Variants in KCNH5 observed in about 807,000 individuals in gnomAD.
KCNH5 encodes the protein potassium voltage-gated channel subfamily H member 5.
Under a neutral mutation model 96.1 loss-of-function variants are expected in KCNH5, and 46 were observed. That is an observed-to-expected ratio of 0.48 (90% CI 0.38 to 0.61). KCNH5 has a LOEUF of 0.61. Ranked by LOEUF, KCNH5 falls within the 20% of genes least tolerant of loss-of-function variation. The pLI is 0.00. For missense variants in KCNH5, 907 were observed against 1,225.8 expected (o/e 0.74, Z 3.88); for synonymous variants, 439 against 449.8 (o/e 0.98, Z 0.30).
At chr14:63,001,725 G>A (rs769885442) in intron 3 of KCNH5, among the ~76,000 whole-genome samples, 21 of 152,288 alleles carry the variant, frequency 1.4e-4, no homozygotes, top group Admixed American at 2.6e-4. Flanking sequence ...CACAATGCAG[G>A]AACACAAAGG....
chr14:62,934,115 G>C (rs1343494878), intron 7 of KCNH5, among the ~76,000 whole-genome samples: 1 of 148,786 alleles, frequency 6.7e-6, no homozygotes, highest in Admixed American at 6.7e-5. Flanking sequence ...TTCAAATGCA[G>C]ATTTCTTTCT....
intron 10 of KCNH5, among the ~76,000 whole-genome samples, chr14:62,766,619 TAA>T (rs1290356859): frequency 6.6e-6 from 1 of 152,020 alleles, no homozygotes; most frequent in African/African-American, 2.4e-5. Context: ...TTGTGGGGTC[TAA>T]AAAAATCAAA....
chr14:62,775,640 C>T (rs935275232), intron 10 of KCNH5, among the ~76,000 whole-genome samples: 10 of 152,136 alleles, frequency 6.6e-5, no homozygotes, highest in Non-Finnish European at 1.3e-4. Flanking sequence ...ATATTTATGG[C>T]ATTTTCCATC....
intron 10 of KCNH5, among the ~76,000 whole-genome samples, chr14:62,715,551 A>G (rs1254035174): frequency 2.6e-5 from 4 of 152,236 alleles, no homozygotes; most frequent in African/African-American, 7.2e-5. Flanking sequence ...CTCTCAGTGA[A>G]GGCCACAGTG....
chr14:62,802,536 G>A lies in KCNH5; in HGVS notation c.1615C>T (p.His539Tyr). The change falls in exon 9 of 11, where the codon CAT becomes TAT. Residue 539 changes from histidine to tyrosine, a missense_variant. Around this residue, in one of 6 missense-constraint regions of KCNH5, gnomAD observed 95 missense variants for 111.8 expected, o/e 0.85. Transcript: ENST00000322893. ...PKDMRADICVHLNRKVFNEHP... is the reference protein window; with the variant it reads ...PKDMRADICVYLNRKVFNEHP... ...TCATTAAAAACCTTCCGGTTTAGAT[G>A]AACACAGATATCAGCTCTCATGTCC... 1 of 1,614,120 alleles carries A rather than the reference G, an allele frequency of 6.2e-7. No homozygotes were observed. Among genetic ancestry groups the A allele is most frequent in the Non-Finnish European group, 8.5e-7 (1 of 1,180,000 alleles).
chr14:62,739,124 A>G (rs7157416), intron 10 of KCNH5, among the ~76,000 whole-genome samples: 9,270 of 152,220 alleles, frequency 0.061, 784 homozygotes, highest in African/African-American at 0.18. Flanking sequence ...ATCATCCCAA[A>G]TATGTGAACA....
At chr14:62,750,817 G>A (rs1486921698) in intron 10 of KCNH5, among the ~76,000 whole-genome samples, 2 of 152,108 alleles carry the variant, frequency 1.3e-5, no homozygotes, top group Non-Finnish European at 2.9e-5. Context: ...TGCCTTTTGA[G>A]CTGAGGTAGA....
intron 9 of KCNH5, among the ~76,000 whole-genome samples, chr14:62,781,407 CG>C (rs1353679840): frequency 6.6e-6 from 1 of 152,178 alleles, no homozygotes; most frequent in South Asian, 2.1e-4. Flanking sequence ...CAGGAGACAG[CG>C]TTTTGAGATC....
At chr14:62,943,015 T>G (rs1384233553) in intron 7 of KCNH5, among the ~76,000 whole-genome samples, 1 of 152,172 alleles carries the variant, frequency 6.6e-6, no homozygotes, top group Non-Finnish European at 1.5e-5. Flanking sequence ...CATAGCCCTT[T>G]GACATATGCT....
intron 6 of KCNH5, among the ~76,000 whole-genome samples, chr14:62,961,127 A>T (rs1306156258): frequency 6.6e-6 from 1 of 152,092 alleles, no homozygotes; most frequent in Non-Finnish European, 1.5e-5. Flanking sequence ...TATGTGTACA[A>T]GCAAACCAAA....
chr14:62,996,980 T>TA (rs1217391072), intron 4 of KCNH5, among the ~76,000 whole-genome samples: 1 of 152,250 alleles, frequency 6.6e-6, no homozygotes, highest in African/African-American at 2.4e-5. Flanking sequence ...ATTATTTCTC[T>TA]TTTGTTTAAA....
At chr14:62,820,749 A>G (rs1887098631) in intron 8 of KCNH5, among the ~76,000 whole-genome samples, 1 of 152,098 alleles carries the variant, frequency 6.6e-6, no homozygotes. Flanking sequence ...ATTGATGGCT[A>G]TTTACATTGA....
At chr14:62,820,085 A>C (rs1350240870) in intron 8 of KCNH5, among the ~76,000 whole-genome samples, 1 of 152,124 alleles carries the variant, frequency 6.6e-6, no homozygotes, top group Non-Finnish European at 1.5e-5. Flanking sequence ...TGCTTATCTC[A>C]CTAGGAAGAC....
rs148531887 is a variant in KCNH5 at position 62,920,315 on chromosome 14, C to A, written c.1369+29818G>T. Among the ~76,000 whole-genome samples the A allele has an allele frequency of 2.1e-4, 32 of 152,144 alleles. No individual in the cohort carries two copies. The East Asian group carries it at 4.8e-3, about 23-fold the overall frequency. Reference sequence around the variant, plus strand: ...GCAGCCCCCAGAGAAGAGTTTACATCGTTTCTGAAATTCTCTACTAAACTC... The same window carrying A: ...GCAGCCCCCAGAGAAGAGTTTACATAGTTTCTGAAATTCTCTACTAAACTC... On this transcript the variant is annotated intron_variant, in intron 7 of 10. Coordinates refer to ENST00000322893, the MANE Select transcript of KCNH5 (RefSeq NM_139318.5).
intron 7 of KCNH5, among the ~76,000 whole-genome samples, chr14:62,864,759 A>G (rs1001233589): frequency 1.1e-4 from 17 of 152,326 alleles, no homozygotes; most frequent in African/African-American, 3.4e-4. Context: ...GCATATCAAA[A>G]GCTCTGAGAG....
intron 5 of KCNH5, among the ~76,000 whole-genome samples, chr14:62,983,701 C>T (rs1269163873): frequency 6.6e-6 from 1 of 152,112 alleles, no homozygotes. Context: ...TTAGAATCAT[C>T]TGGGGAAGTT....
At chr14:62,776,869 C>T (rs1886108431) in intron 10 of KCNH5, among the ~76,000 whole-genome samples, 1 of 152,152 alleles carries the variant, frequency 6.6e-6, no homozygotes, top group Admixed American at 6.5e-5. Flanking sequence ...CTTATTGCAG[C>T]CATGGAAAGC....
intron 1 of KCNH5, among the ~76,000 whole-genome samples, chr14:63,023,216 GAAA>G (rs1303509630): frequency 6.7e-6 from 1 of 149,666 alleles, no homozygotes; most frequent in Admixed American, 6.7e-5. Context: ...AAAAAAAAAA[GAAA>G]AAATTAATGT....
Position 63,045,401 on chromosome 14 carries a change from T to TC in KCNH5, c.-216dup. 1.8e-6 allele frequency: 1 copy of TC among 565,518 alleles called. No individual in the cohort carries two copies. The highest frequency in any genetic ancestry group is 3.2e-6 in the Non-Finnish European group (1 of 314,048). 35.0% of individuals were successfully genotyped at this position (565,518 alleles called of 1,614,324 possible). A position where few individuals can be genotyped will look rare whatever the true frequency, so the allele number is the denominator to read the frequency against. ...ACCAGGCAGTTCATGGTAGTAGCGC[T>TC]CCCCCGGCCGCCGCTGCCCAGACTG... On this transcript the variant is annotated 5_prime_UTR_variant, in exon 1 of 11. Transcript: ENST00000322893.
Sources: gnomAD v4.1 joint callset for allele counts (sites outside exome capture counted in the v4.1 genomes callset) on GRCh38, gnomAD v4.1.1 for gene constraint, gnomAD v4.1.1 regional missense constraint, MANE v1.5 for transcripts, NCBI Gene and HGNC (gene_info 2026-07-23, HGNC 2026-07-21) for gene names.